Variants in NXN observed in about 807,000 individuals in gnomAD.
NXN encodes the protein nucleoredoxin 1.
A neutral mutation model predicts 48.6 loss-of-function variants in NXN; 16 were observed. The ratio of observed to expected loss-of-function variants is 0.33; its 90% CI spans 0.22 to 0.50. NXN has a LOEUF of 0.50. Ranked by LOEUF, NXN falls within the 20% of genes least tolerant of loss-of-function variation. NXN has a pLI of 0.98. For synonymous variants in NXN, 281 were observed against 269.6 expected (o/e 1.04, Z -0.41); for missense variants, 492 against 605.5 (o/e 0.81, Z 1.97).
intron 1 of NXN, among the ~76,000 whole-genome samples, chr17:931,285 CAAA>C (rs778432060): frequency 3.7e-5 from 4 of 107,076 alleles, no homozygotes; most frequent in Middle Eastern, 4.7e-3. Context: ...AGACTCCATC[CAAA>C]AAAAAAAAAA....
intron 1 of NXN, among the ~76,000 whole-genome samples, chr17:966,889 G>A (rs2069311971): frequency 6.6e-6 from 1 of 151,978 alleles, no homozygotes; most frequent in Non-Finnish European, 1.5e-5. Flanking sequence ...CATCACAGGA[G>A]AAATGCTCCA....
At chr17:815,558 C>A (rs910247483) in intron 5 of NXN, among the ~76,000 whole-genome samples, 4 of 139,834 alleles carry the variant, frequency 2.9e-5, no homozygotes, top group African/African-American at 7.8e-5. Flanking sequence ...GGCGATGAGG[C>A]ACTCACAGTT....
intron 1 of NXN, chr17:959,184 A>G: frequency 1.0e-6 from 1 of 986,410 alleles, no homozygotes; most frequent in Non-Finnish European, 1.4e-6. Context: ...GTTCCCCGCC[A>G]CGTACCAGTT....
rs112118561 is a variant in NXN, at chr17:919,641, C to T, written c.360+59678G>A. 1.3e-5 allele frequency among the ~76,000 whole-genome samples: 2 copies of T among 152,188 alleles called. No homozygotes were observed. Among genetic ancestry groups the T allele is most frequent in the African/African-American group, 2.4e-5 (1 of 41,494 alleles). ...ATTCGTCCCACGCGGCCCTCAGACACGGGCTCTGGTTCAAGGTGGGAGACA... is the reference window on the plus strand; with the variant it reads ...ATTCGTCCCACGCGGCCCTCAGACATGGGCTCTGGTTCAAGGTGGGAGACA... On this transcript the variant is annotated intron_variant, in intron 1 of 7. Transcript: ENST00000336868. The surrounding 1 kb of genome is among the most constrained non-coding windows in gnomAD (Gnocchi z 5.1).
intron 1 of NXN, among the ~76,000 whole-genome samples, chr17:970,557 C>T (rs2069363459): frequency 6.6e-6 from 1 of 152,202 alleles, no homozygotes; most frequent in Admixed American, 6.6e-5. Context: ...TCAACTACCT[C>T]TGTCTTATCT....
intron 1 of NXN, among the ~76,000 whole-genome samples, chr17:979,117 G>T (rs1429483359): frequency 9.0e-6 from 1 of 110,814 alleles, no homozygotes; most frequent in Non-Finnish European, 1.9e-5. Context: ...AAGGGGGGGG[G>T]GCAGAGGCGG....
chr17:972,488 A>T (rs1220005028), intron 1 of NXN, among the ~76,000 whole-genome samples: 1 of 151,980 alleles, frequency 6.6e-6, no homozygotes, highest in Non-Finnish European at 1.5e-5. Flanking sequence ...AAAGAAAAAG[A>T]AAAAAAGGAA....
intron 1 of NXN, chr17:959,406 C>A (rs796291780): frequency 1.9e-4 from 38 of 204,090 alleles, no homozygotes; most frequent in African/African-American, 8.4e-4. Flanking sequence ...ACGGGCAGGG[C>A]GCCACTGGCC....
At chr17:819,075 T>C in intron 5 of NXN, 1 of 318,064 alleles carries the variant, frequency 3.1e-6, no homozygotes. Context: ...GCCTCCTGAG[T>C]AGCTGGTACT....
chr17:959,592 T>A (rs1597278275), intron 1 of NXN, among the ~76,000 whole-genome samples: 1 of 149,488 alleles, frequency 6.7e-6, no homozygotes. Context: ...AGGTCAGGAG[T>A]TCAAGACCAG....
At chr17:897,449 C>G (rs749452698) in intron 1 of NXN, among the ~76,000 whole-genome samples, 1 of 152,152 alleles carries the variant, frequency 6.6e-6, no homozygotes, top group Admixed American at 6.6e-5. Context: ...GCATCCTTAC[C>G]ACATCAGTCA....
intron 1 of NXN, among the ~76,000 whole-genome samples, chr17:865,109 C>T (rs1209706395): frequency 2.6e-5 from 4 of 152,154 alleles, no homozygotes; most frequent in South Asian, 2.1e-4. Context: ...TCATCTTTCT[C>T]GCTCGATATT....
chr17:947,284 CTG>C (rs1377062887), intron 1 of NXN, among the ~76,000 whole-genome samples: 1 of 152,136 alleles, frequency 6.6e-6, no homozygotes, highest in Non-Finnish European at 1.5e-5. Context: ...GAGATGGACT[CTG>C]TATGTGAATG....
intron 1 of NXN, among the ~76,000 whole-genome samples, chr17:874,463 CA>C (rs1810212349): frequency 6.6e-6 from 1 of 152,174 alleles, no homozygotes; most frequent in African/African-American, 2.4e-5. Context: ...AGGCACCTGT[CA>C]TCCCAGCTAC....
At chr17:858,425 G>A (rs1219005520) in intron 1 of NXN, among the ~76,000 whole-genome samples, 1 of 152,094 alleles carries the variant, frequency 6.6e-6, no homozygotes, top group Non-Finnish European at 1.5e-5. Context: ...GGACGGCTGA[G>A]CTATAGAAAA....
intron 1 of NXN, among the ~76,000 whole-genome samples, chr17:953,841 G>A (rs973798313): frequency 6.6e-6 from 1 of 152,142 alleles, no homozygotes; most frequent in African/African-American, 2.4e-5. Flanking sequence ...GGAGGCTGGG[G>A]TGGGAGGATT....
At chr17:966,400 C>T (rs916849031) in intron 1 of NXN, among the ~76,000 whole-genome samples, 1 of 151,794 alleles carries the variant, frequency 6.6e-6, no homozygotes, top group Non-Finnish European at 1.5e-5. Flanking sequence ...CAGGCCGGAG[C>T]GCAGTGGCAC....
chr17:835,180 T>C lies in NXN; in HGVS notation c.361-9102A>G, dbSNP rs186782388. On this transcript the variant is annotated intron_variant, in intron 1 of 7. Coordinates refer to ENST00000336868, the MANE Select transcript of NXN (RefSeq NM_022463.5). ...AAAATTAGCCGGGTGTGGTGACGGG[T>C]GCCTGTACTCCCAGCTACTCGGGAG... Among the ~76,000 whole-genome samples the C allele has an allele frequency of 1.7e-3, 263 of 150,876 alleles. 1 individual carries two copies. The highest frequency in any genetic ancestry group is 0.011 in the South Asian group (52 of 4,722).
intron 1 of NXN, among the ~76,000 whole-genome samples, chr17:914,065 A>C (rs1470445183): frequency 1.3e-5 from 2 of 151,816 alleles, no homozygotes; most frequent in African/African-American, 4.8e-5. Context: ...ACACCCAGCT[A>C]ATTTTTGTAT....
Sources: allele counts gnomAD v4.1 joint callset (sites outside exome capture counted in the v4.1 genomes callset), GRCh38; gene constraint gnomAD v4.1.1; non-coding constraint Gnocchi (gnomAD v3.1); transcripts MANE v1.5; gene names NCBI Gene and HGNC (gene_info 2026-07-23, HGNC 2026-07-21).